VAC14: variants seen among roughly 807,000 people sequenced by gnomAD.
VAC14 encodes the protein VAC14 component of PIKFYVE complex.
In VAC14, 47 loss-of-function variants were observed where a neutral mutation model predicts 85.3. That is an observed-to-expected ratio of 0.55 (90% CI 0.44 to 0.70). The LOEUF (loss-of-function observed/expected upper bound fraction) is 0.70. Among genes scored for constraint, VAC14 ranks in the 30% least tolerant of loss-of-function variants. The pLI, the probability that VAC14 is intolerant of heterozygous loss-of-function variation, is 0.00. For missense variants in VAC14, 861 were observed against 1,004.3 expected (o/e 0.86, Z 1.93); for synonymous variants, 447 against 430.5 (o/e 1.04, Z -0.47).
intron 14 of VAC14, among the ~76,000 whole-genome samples, chr16:70,710,146 C>T (rs1042411940): frequency 6.6e-6 from 1 of 152,248 alleles, no homozygotes; most frequent in African/African-American, 2.4e-5. Context: ...AGGACTGGTC[C>T]CAGGCCACAC....
At chr16:70,699,357 A>C (rs1205778346) in intron 14 of VAC14, 1 of 157,118 alleles carries the variant, frequency 6.4e-6, no homozygotes, top group Admixed American at 6.1e-5. Context: ...TCCGTGTGGG[A>C]TCAGCGTTAT....
intron 14 of VAC14, among the ~76,000 whole-genome samples, chr16:70,729,120 C>G (rs1052319316): frequency 1.3e-5 from 2 of 152,198 alleles, no homozygotes; most frequent in Non-Finnish European, 2.9e-5. Context: ...AGAGACATTT[C>G]AGACGGTCCC....
intron 12 of VAC14, among the ~76,000 whole-genome samples, chr16:70,759,723 C>G (rs1294017865): frequency 6.6e-6 from 1 of 152,266 alleles, no homozygotes; most frequent in East Asian, 1.9e-4. Context: ...TGGAACAAGA[C>G]CACAAAACCT....
intron 18 of VAC14, chr16:70,690,733 C>T (rs939914052): frequency 1.9e-5 from 19 of 985,514 alleles, no homozygotes; most frequent in Middle Eastern, 5.2e-4. Flanking sequence ...CAGCTCCCTT[C>T]CCAGGGTGTG....
In VAC14 at chr16:70,700,912, G is replaced by A. The variant is rs571016936; in HGVS notation, c.1662-2101C>T. Reference sequence around the variant, plus strand: ...CTCCAGGGATCCAGGCCGGCAGGCGGGACCTGTGGCAGCAGAGGGCAGGGT... The same window carrying A: ...CTCCAGGGATCCAGGCCGGCAGGCGAGACCTGTGGCAGCAGAGGGCAGGGT... On this transcript the variant is annotated intron_variant, in intron 14 of 18. Transcript: ENST00000261776. Among the ~76,000 whole-genome samples the A allele has an allele frequency of 2.0e-5, 3 of 152,330 alleles. No homozygotes were observed. In the South Asian group the frequency reaches 6.2e-4, roughly 32 times the overall value.
In VAC14 at chr16:70,691,386, A is replaced by C. The variant is rs937566884; in HGVS notation, c.2186+1435T>G. 3 of 985,458 alleles carry C rather than the reference A, an allele frequency of 3.0e-6. No homozygotes were observed. In the South Asian group the frequency reaches 1.4e-4, roughly 46 times the overall value. The allele number at this position is 985,458 out of a possible 1,614,324, so 61.0% of individuals were successfully genotyped here. ...CACCTTCCCCTCCTGGGTGCCTGCC[A>C]GGTTGACCCTAACACTATGGGGCGT... On this transcript the variant is annotated intron_variant, in intron 18 of 18. Transcript: ENST00000261776.
chr16:70,731,141 C>T lies in VAC14; in HGVS notation c.1661+354G>A, dbSNP rs78016984. On this transcript the variant is annotated intron_variant, in intron 14 of 18. Coordinates refer to ENST00000261776, the MANE Select transcript of VAC14 (RefSeq NM_018052.5). ...CTAAATCCCGCACTGGGGGCTGGGC[C>T]TGGAGCACAGCCCCATGTCCCACGC... 2,098 of 369,640 alleles carry T rather than the reference C, an allele frequency of 5.7e-3. 47 individuals are homozygous for T. Among genetic ancestry groups the T allele is most frequent in the African/African-American group, 0.043 (1,980 of 45,666 alleles). 22.9% of individuals were successfully genotyped at this position (369,640 alleles called of 1,614,324 possible). A position where few individuals can be genotyped will look rare whatever the true frequency, so the allele number is the denominator to read the frequency against.
intron 14 of VAC14, among the ~76,000 whole-genome samples, chr16:70,710,799 C>A (rs376734444): frequency 1.3e-5 from 2 of 152,236 alleles, no homozygotes; most frequent in East Asian, 3.9e-4. Flanking sequence ...ATGGCCATAG[C>A]CCCGTGTCAA....
At chr16:70,732,525 T>G (rs954656917) in intron 13 of VAC14, among the ~76,000 whole-genome samples, 1 of 152,142 alleles carries the variant, frequency 6.6e-6, no homozygotes, top group African/African-American at 2.4e-5. Context: ...AGCGTATCTG[T>G]ATGCCCGTTG....
intron 14 of VAC14, chr16:70,700,325 C>G (rs1295883610): frequency 6.6e-6 from 1 of 152,216 alleles, no homozygotes; most frequent in African/African-American, 2.4e-5. Flanking sequence ...GAGGGGGTGG[C>G]GGCCGCACGA....
At chr16:70,791,864 C>A (rs1475320222) in intron 1 of VAC14, among the ~76,000 whole-genome samples, 1 of 152,140 alleles carries the variant, frequency 6.6e-6, no homozygotes, top group Non-Finnish European at 1.5e-5. Context: ...CCCCACACTG[C>A]CATATTGGTG....
intron 3 of VAC14, among the ~76,000 whole-genome samples, 178 bp from the exon 4 acceptor site, chr16:70,785,016 A>G (rs561510728): frequency 1.9e-4 from 29 of 152,346 alleles, no homozygotes; most frequent in African/African-American, 7.0e-4. Flanking sequence ...AGTGGGTACA[A>G]TGGAGTTGGC....
At chr16:70,768,609 T>C (rs2032987104) in intron 10 of VAC14, 2 of 319,556 alleles carry the variant, frequency 6.3e-6, no homozygotes, top group Admixed American at 9.0e-5. Context: ...CACCAGGGGC[T>C]TCCCGAGTAT....
chr16:70,723,840 A>T (rs1367580457), intron 14 of VAC14, among the ~76,000 whole-genome samples: 1 of 152,230 alleles, frequency 6.6e-6, no homozygotes. Context: ...CACGTGTGCC[A>T]TGTGGTGGCC....
At chr16:70,690,044 G>A in intron 18 of VAC14, 1 of 985,516 alleles carries the variant, frequency 1.0e-6, no homozygotes, top group Non-Finnish European at 1.2e-6. Flanking sequence ...GCAAGCCAAG[G>A]CCTTAGGTTA....
intron 14 of VAC14, among the ~76,000 whole-genome samples, chr16:70,711,565 C>A (rs1296234385): frequency 6.6e-6 from 1 of 152,154 alleles, no homozygotes; most frequent in Non-Finnish European, 1.5e-5. Flanking sequence ...GAGGTCAGCT[C>A]TTGGGCAAGA....
intron 1 of VAC14, among the ~76,000 whole-genome samples, chr16:70,799,562 T>C (rs973135293): frequency 1.3e-5 from 2 of 152,246 alleles, no homozygotes; most frequent in Non-Finnish European, 2.9e-5. Flanking sequence ...CATTTAGCAA[T>C]GTCTGAAGAC....
At chr16:70,730,011 C>A (rs1337367721) in intron 14 of VAC14, among the ~76,000 whole-genome samples, 1 of 152,004 alleles carries the variant, frequency 6.6e-6, no homozygotes, top group African/African-American at 2.4e-5. Flanking sequence ...CCGGGGCTCC[C>A]ACCTCGGGGA....
At position 70,786,027 on chromosome 16, in the gene VAC14, G is replaced by C. The variant is rs2034039543; in HGVS notation, c.256-158C>G. On this transcript the variant is annotated intron_variant, in intron 2 of 18. Transcript: ENST00000261776. ...CTTCCCAAGCCTCATTCCCAGGAGA[G>C]GGCCCATGCCTAGGGGACCAGGCTG... is the stretch of plus-strand genomic sequence containing the variant. 4 of 1,327,936 alleles carry C rather than the reference G, an allele frequency of 3.0e-6. No homozygotes were observed. In the African/African-American group the frequency reaches 4.4e-5, roughly 15 times the overall value. The allele number at this position is 1,327,936 out of a possible 1,614,324, so 82.3% of individuals were successfully genotyped here.
Sources: gnomAD v4.1 joint callset for allele counts (sites outside exome capture counted in the v4.1 genomes callset) on GRCh38, gnomAD v4.1.1 for gene constraint, MANE v1.5 for transcripts, NCBI Gene and HGNC (gene_info 2026-07-23, HGNC 2026-07-21) for gene names.